GOLGA6L2: variants seen among roughly 807,000 people sequenced by gnomAD.
GOLGA6L2 encodes the protein golgin A6 family like 2.
GOLGA6L2 carries 30 observed loss-of-function variants against 35.9 expected under a neutral mutation model. The observed-to-expected ratio is 0.83, with a 90% CI of 0.62 to 1.13. The LOEUF is 1.13. GOLGA6L2 is among the 50% of genes most tolerant of loss of function. The pLI, the probability that GOLGA6L2 is intolerant of heterozygous loss-of-function variation, is 0.00. For missense variants in GOLGA6L2, 821 were observed against 973.4 expected, an observed-to-expected ratio of 0.84 and a Z score of 2.08; for synonymous variants, 297 against 344.0, an observed-to-expected ratio of 0.86 and a Z score of 1.51.
At chr15:23,443,417 T>C (rs1021579167) in intron 5 of GOLGA6L2, among the ~76,000 whole-genome samples, 1 of 152,092 alleles carries the variant, frequency 6.6e-6, no homozygotes, top group South Asian at 2.1e-4. Flanking sequence ...TGCACACTTA[T>C]GTGTGTTCCC....
In GOLGA6L2 at chr15:23,443,820, C is replaced by T. The variant is rs771267607; in HGVS notation, c.548G>A (p.Arg183Gln). The change falls in exon 5 of 8, where the codon CGG becomes CAG. Residue 183 changes from arginine (R) to glutamine (Q), a missense_variant. By Grantham distance (43) the Arg-to-Gln change is conservative (BLOSUM62 1). This residue lies in a region of GOLGA6L2 where 614 missense variants were observed against 632.3 expected (regional missense o/e 0.97). Coordinates refer to ENST00000567107, the MANE Select transcript of GOLGA6L2 (RefSeq NM_001304388.2). Reference protein sequence around the residue: ...HSWHFAGELQRALSAVSTWHK... With the variant: ...HSWHFAGELQQALSAVSTWHK... ...CCATGTGGACACAGCAGAGAGAGCC[C>T]GCTGTAACTCTCCTGCAAAGTGCCA... is the stretch of plus-strand genomic sequence containing the variant. The T allele has an allele frequency of 2.3e-5, 35 of 1,539,556 alleles. No individual in the cohort carries two copies. The highest frequency in any genetic ancestry group is 4.9e-5 in the East Asian group (2 of 41,122).
chr15:23,441,529 T>A lies in GOLGA6L2; in HGVS notation c.946A>T (p.Met316Leu). Reference sequence around the variant, plus strand: ...CGCAGCCTCTTCTCCTGTCTCCGCATCTTCTCCTCCTGCTCCCGCATCTTC... The same window carrying A: ...CGCAGCCTCTTCTCCTGTCTCCGCAACTTCTCCTCCTGCTCCCGCATCTTC... Reference protein sequence around the residue: ...EGKMREQEEKMRRQEKRLREQ... With the variant: ...EGKMREQEEKLRRQEKRLREQ... The change falls in exon 8 of 8, where the codon ATG becomes TTG. Residue 316 changes from methionine to leucine, a missense_variant. Met to Leu is a conservative substitution (Grantham distance 15). Around this residue, in one of 7 missense-constraint regions of GOLGA6L2, gnomAD observed 614 missense variants for 632.3 expected, o/e 0.97. Transcript: ENST00000567107. 1 of 1,398,436 alleles carries A rather than the reference T, an allele frequency of 7.2e-7. No homozygotes were observed. Among genetic ancestry groups the A allele is most frequent in the African/African-American group, 2.0e-5 (1 of 50,600 alleles). The allele number at this position is 1,398,436 out of a possible 1,614,324, so 86.6% of individuals were successfully genotyped here.
chr15:23,444,574 G>C, intron 2 of GOLGA6L2, 74 bp from the exon 3 acceptor site: 1 of 1,389,048 alleles, frequency 7.2e-7, no homozygotes, highest in East Asian at 2.3e-5. Flanking sequence ...GAAGCGGTAC[G>C]CAGGGGTCAG....
rs2070728386 is a variant in GOLGA6L2, at chr15:23,443,970, AG to A, written c.397del (p.Leu133TrpfsTer70). The A allele has an allele frequency of 1.3e-6, 2 of 1,562,186 alleles. No individual in the cohort carries two copies. Among genetic ancestry groups the A allele is most frequent in the East Asian group, 2.3e-5 (1 of 43,052 alleles). ...CAGGTTGAAGGATGATGGGGTGCCC[AG>A]GTTCCCATCTTCAAATTTCCTGGCA... ...DAARKFEDGNLGTPSSFNLAL... is the reference protein window; with the variant it reads ...DAARKFEDGNXGTPSSFNLAL... On this transcript the variant is annotated frameshift_variant, in exon 5 of 8. Transcript: ENST00000567107. LOFTEE classifies it high-confidence loss of function.
rs2141088018 is a variant in GOLGA6L2, at chr15:23,447,243, T to A, written c.-62A>T. 2.1e-6 allele frequency: 2 copies of A among 968,156 alleles called. No homozygotes were observed. The highest frequency in any genetic ancestry group is 3.1e-4 in the Middle Eastern group (1 of 3,216). 60.0% of individuals were successfully genotyped at this position (968,156 alleles called of 1,614,324 possible). On this transcript the variant is annotated 5_prime_UTR_variant, in exon 1 of 8. Transcript: ENST00000567107. ...GTCACGTACCACGCAGCTATGTGAC[T>A]GAGCCAGAGGAGGTGTAACCAGGGC...
chr15:23,442,610 C>T, intron 5 of GOLGA6L2, 102 bp from the exon 6 acceptor site: 1 of 1,075,834 alleles, frequency 9.3e-7, no homozygotes. Flanking sequence ...CACTCCCTCA[C>T]TCTCCATCAC....
intron 1 of GOLGA6L2, among the ~76,000 whole-genome samples, 192 bp downstream of exon 1, chr15:23,446,906 G>T (rs1264157374): frequency 6.6e-6 from 1 of 151,978 alleles, no homozygotes; most frequent in Non-Finnish European, 1.5e-5. Context: ...GGGGTCACTG[G>T]CAAGGGCCGG....
Position 23,444,018 on chromosome 15 carries a change from G to T in GOLGA6L2, c.350C>A (p.Ala117Glu), listed in dbSNP as rs192050688. Residue 117 changes from alanine to glutamate, a missense_variant, in exon 5 of 8, where the codon GCG becomes GAG. Coordinates refer to ENST00000567107, the MANE Select transcript of GOLGA6L2 (RefSeq NM_001304388.2). ...LTCQKTELET[A>E]LYYSQDAARK... ...GGCAGCATCCTGGCTGTAATAGAGC[G>T]CTGTCTCCAGTTCAGTTTTCTGACA... 1.9e-6 allele frequency: 3 copies of T among 1,551,698 alleles called. No homozygotes were observed. Among genetic ancestry groups the T allele is most frequent in the Admixed American group, 1.9e-5 (1 of 52,344 alleles).
In GOLGA6L2 at chr15:23,447,220, C is replaced by T. The variant is rs1223101313; in HGVS notation, c.-39G>A. ...ACGAGGACAAGGATACACCTCCAGTCACGTACCACGCAGCTATGTGACTGA... is the reference window on the plus strand; with the variant it reads ...ACGAGGACAAGGATACACCTCCAGTTACGTACCACGCAGCTATGTGACTGA... On this transcript the variant is annotated 5_prime_UTR_variant, in exon 1 of 8. Transcript: ENST00000567107. The T allele has an allele frequency of 8.8e-7, 1 of 1,137,616 alleles. No homozygotes were observed. Among genetic ancestry groups the T allele is most frequent in the South Asian group, 1.2e-5 (1 of 81,084 alleles). 70.5% of individuals were successfully genotyped at this position (1,137,616 alleles called of 1,614,324 possible). A position where few individuals can be genotyped will look rare whatever the true frequency, so the allele number is the denominator to read the frequency against.
rs1240050230 is a variant in GOLGA6L2, at chr15:23,439,850, T to C, written c.2625A>G (p.Glu875=). 1.4e-6 allele frequency: 2 copies of C among 1,431,972 alleles called. 1 individual carries two copies. Among genetic ancestry groups the C allele is most frequent in the Non-Finnish European group, 1.8e-6 (2 of 1,098,962 alleles). 88.7% of individuals were successfully genotyped at this position (1,431,972 alleles called of 1,614,324 possible). The stretch of plus-strand genomic sequence containing the variant: ...TTTCTGATCTCGTATCCTCTCCTCC[T>C]TCTCTCGCATCTCCTCCTGCCCCCA... ...EDVGAGGDAR[E]GGEDTRSERE... The change falls in exon 8 of 8, where the codon GAA becomes GAG. Residue 875 remains glutamate, a synonymous_variant. Transcript: ENST00000567107.
At chr15:23,444,296 C>G (rs543021634) in intron 3 of GOLGA6L2, 84 bp from the exon 4 acceptor site, 2 of 1,523,326 alleles carry the variant, frequency 1.3e-6, no homozygotes, top group Non-Finnish European at 1.8e-6. Flanking sequence ...GGCACCAATG[C>G]CCCAGGACAG....
At chr15:23,446,308 G>A (rs1370130947) in intron 1 of GOLGA6L2, among the ~76,000 whole-genome samples, 1 of 152,150 alleles carries the variant, frequency 6.6e-6, no homozygotes, top group Non-Finnish European at 1.5e-5. Context: ...TTCACAGGGG[G>A]AGGTGTAGGC....
Position 23,446,982 on chromosome 15 carries a change from G to T in GOLGA6L2, c.84+116C>A, listed in dbSNP as rs568904996. ...TGATTGGGGGAGCCCAGCGGCACTG[G>T]GGGGGACCCAGCCCAGTGTGCCTCT... On this transcript the variant is annotated intron_variant, in intron 1 of 7. Coordinates refer to ENST00000567107, the MANE Select transcript of GOLGA6L2 (RefSeq NM_001304388.2). The T allele has an allele frequency of 1.5e-5, 9 of 596,680 alleles. No homozygotes were observed. In the African/African-American group the frequency reaches 1.7e-4, roughly 11 times the overall value. 37.0% of individuals were successfully genotyped at this position (596,680 alleles called of 1,614,324 possible).
In GOLGA6L2 at chr15:23,439,511, G is replaced by T; in HGVS notation, c.*234C>A. 6 of 1,130,656 alleles carry T rather than the reference G, an allele frequency of 5.3e-6. No homozygotes were observed. The highest frequency in any genetic ancestry group is 2.2e-5 in the Admixed American group (1 of 45,338). The allele number at this position is 1,130,656 out of a possible 1,614,324, so 70.0% of individuals were successfully genotyped here. A position where few individuals can be genotyped will look rare whatever the true frequency, so the allele number is the denominator to read the frequency against. ...TTCACACAGTGACATGGCGGCTTAT[G>T]CTTCTGTAGGCCTTGTTGACAGTGC... On this transcript the variant is annotated 3_prime_UTR_variant, in exon 8 of 8. Coordinates refer to ENST00000567107, the MANE Select transcript of GOLGA6L2 (RefSeq NM_001304388.2).
In GOLGA6L2 at chr15:23,444,069, T is replaced by G. The variant is rs1260312196; in HGVS notation, c.299A>C (p.Gln100Pro). Residue 100 changes from glutamine (Q) to proline (P), a missense_variant, in exon 5 of 8, where the codon CAG (glutamine) becomes CCG (proline). Physicochemically the swap from Gln to Pro is moderately conservative, Grantham distance 76. Around this residue, in one of 7 missense-constraint regions of GOLGA6L2, gnomAD observed 614 missense variants for 632.3 expected, o/e 0.97. Transcript: ENST00000567107. ...CGTGAGAATTCGTATTGTATGATCC[T>G]GGGCCTTTGGGAGAAAAGACAAGCA... The part of the protein sequence containing the change: ...QEALRREIEA[Q>P]DHTIRILTCQ... 3 of 1,567,878 alleles carry G rather than the reference T, an allele frequency of 1.9e-6. No homozygotes were observed. The highest frequency in any genetic ancestry group is 2.6e-6 in the Non-Finnish European group (3 of 1,162,304).
chr15:23,446,951 A>C, intron 1 of GOLGA6L2, 147 bp downstream of exon 1: 1 of 541,746 alleles, frequency 1.8e-6, no homozygotes, highest in Non-Finnish European at 3.3e-6. Context: ...CTGGCTGAGA[A>C]GATTTTGATT....
chr15:23,444,276 C>T, intron 3 of GOLGA6L2, 64 bp from the exon 4 acceptor site: 1 of 1,557,226 alleles, frequency 6.4e-7, no homozygotes, highest in Non-Finnish European at 8.8e-7. Context: ...AAGAGACATG[C>T]CCCCAGAATG....
In GOLGA6L2 at chr15:23,439,583, T is replaced by G. The variant is rs1215707769; in HGVS notation, c.*162A>C. On this transcript the variant is annotated 3_prime_UTR_variant, in exon 8 of 8. Transcript: ENST00000567107. ...CTTCATCTTTCTCTTGTCTCCTCGG[T>G]AGAAGAATGGGATGCAGGAGGTACT... 6.5e-7 allele frequency: 1 copy of G among 1,535,674 alleles called. No homozygotes were observed. The highest frequency in any genetic ancestry group is 2.0e-5 in the Admixed American group (1 of 50,910).
Position 23,441,526 on chromosome 15 carries a change from G to A in GOLGA6L2, c.949C>T (p.Arg317Trp), listed in dbSNP as rs59122400. 0.83 allele frequency: 1,276,802 copies of A among 1,530,024 alleles called. 535,267 individuals carry two copies. The highest frequency in any genetic ancestry group is 0.85 in the East Asian group (34,602 of 40,558). 94.8% of individuals were successfully genotyped at this position (1,530,024 alleles called of 1,614,324 possible). Residue 317 changes from arginine (R) to tryptophan (W), a missense_variant, in exon 8 of 8, where the codon CGG becomes TGG. Arg to Trp is a moderately radical substitution (Grantham distance 101). This residue lies in a region of GOLGA6L2 where 614 missense variants were observed against 632.3 expected (regional missense o/e 0.97). Coordinates refer to ENST00000567107, the MANE Select transcript of GOLGA6L2 (RefSeq NM_001304388.2). Reference sequence around the variant, plus strand: ...TCTCGCAGCCTCTTCTCCTGTCTCCGCATCTTCTCCTCCTGCTCCCGCATC... The same window carrying A: ...TCTCGCAGCCTCTTCTCCTGTCTCCACATCTTCTCCTCCTGCTCCCGCATC... ...GKMREQEEKMRRQEKRLREQE... is the reference protein window; with the variant it reads ...GKMREQEEKMWRQEKRLREQE...
Sources: gnomAD v4.1 joint callset for allele counts (sites outside exome capture counted in the v4.1 genomes callset) on GRCh38, gnomAD v4.1.1 for gene constraint, gnomAD v4.1.1 regional missense constraint, MANE v1.5 for transcripts, NCBI Gene and HGNC (gene_info 2026-07-23, HGNC 2026-07-21) for gene names.